Variants in SETX observed in about 807,000 individuals in gnomAD.
SETX encodes senataxin.
In SETX, 90 loss-of-function variants were observed where a neutral mutation model predicts 227.2. The ratio of observed to expected loss-of-function variants is 0.40; its 90% confidence interval spans 0.33 to 0.47. SETX has a LOEUF of 0.47. Ranked by LOEUF, SETX falls within the 20% of genes least tolerant of loss-of-function variation. The pLI is 0.91. For synonymous variants in SETX, 1,210 were observed against 1,113.2 expected, an observed-to-expected ratio of 1.09 and a Z score of -1.73; for missense variants, 3,052 against 3,181.5, an observed-to-expected ratio of 0.96 and a Z score of 0.98.
At chr9:132,335,354 G>A (rs1319475194) in intron 6 of SETX, among the ~76,000 whole-genome samples, 1 of 114,106 alleles carries the variant, frequency 8.8e-6, no homozygotes, top group Non-Finnish European at 1.6e-5. Context: ...TCGCGCGACT[G>A]CACTCCAGCC....
chr9:132,326,353 G>A lies in SETX; in HGVS notation c.5245C>T (p.Pro1749Ser), dbSNP rs1478463507. ...NYGDYFNVFF[P>S]LMVLNTFETV... is the part of the protein sequence containing the mutation. ...TCAAAAGTATTCAATACCATCAAAG[G>A]GAAAAAAACATTAAAATAATCTCCA... Residue 1749 changes from proline (P) to serine (S), a missense_variant, in exon 10 of 26, where the codon CCT (proline) becomes TCT (serine). Physicochemically the swap from Pro to Ser is moderately conservative, Grantham distance 74 (BLOSUM62 -1). Around this residue, in one of 10 missense-constraint regions of SETX, gnomAD observed 239 missense variants for 272.1 expected, o/e 0.88. Transcript: ENST00000224140. 7 of 1,612,534 alleles carry A rather than the reference G, an allele frequency of 4.3e-6. No homozygotes were observed. Among genetic ancestry groups the A allele is most frequent in the Non-Finnish European group, 5.9e-6 (7 of 1,179,160 alleles).
chr9:132,299,310 A>C lies in SETX; in HGVS notation c.5549-998T>G, dbSNP rs143634826. Among the ~76,000 whole-genome samples the C allele has an allele frequency of 1.8e-4, 27 of 152,340 alleles. No homozygotes were observed. The East Asian group carries it at 5.0e-3, about 28-fold the overall frequency. ...GACTAGTGGATTTGAAATGTCTAAC[A>C]CATTTCCAAATGGAGGTATCCAAGA... On this transcript the variant is annotated intron_variant, in intron 12 of 25. Transcript: ENST00000224140.
intron 21 of SETX, among the ~76,000 whole-genome samples, chr9:132,277,661 G>A (rs780525153): frequency 6.6e-6 from 1 of 152,120 alleles, no homozygotes; most frequent in South Asian, 2.1e-4. Flanking sequence ...GTGACTGAGT[G>A]TAGTCCCAGC....
intron 6 of SETX, among the ~76,000 whole-genome samples, chr9:132,335,366 G>A (rs578180): frequency 0.86 from 114,923 of 133,130 alleles, 49,665 homozygotes; most frequent in Non-Finnish European, 0.89. Context: ...ACTCCAGCCT[G>A]GGCGACAGAG....
chr9:132,302,508 A>G (rs1026797794), intron 11 of SETX, among the ~76,000 whole-genome samples: 2 of 151,640 alleles, frequency 1.3e-5, no homozygotes, highest in African/African-American at 4.8e-5. Context: ...AAAAATACAA[A>G]AATTAGCCAG....
intron 10 of SETX, among the ~76,000 whole-genome samples, chr9:132,324,817 C>A (rs1178800624): frequency 6.6e-6 from 1 of 152,194 alleles, no homozygotes; most frequent in Non-Finnish European, 1.5e-5. Flanking sequence ...ACTGTATACA[C>A]GAAAGTTTCT....
chr9:132,329,009 C>T lies in SETX; in HGVS notation c.2589G>A (p.Leu863=). 4 of 1,606,846 alleles carry T rather than the reference C, an allele frequency of 2.5e-6. No homozygotes were observed. The highest frequency in any genetic ancestry group is 3.4e-6 in the Non-Finnish European group (4 of 1,177,280). Residue 863 remains leucine, a synonymous_variant, in exon 10 of 26, where the codon TTG becomes TTA. Transcript: ENST00000224140. ...CATTCTTTAATTGTTTCTCTTTTGGCAATACATTGTTTTGAGATTTTTGTT... is the reference window on the plus strand; with the variant it reads ...CATTCTTTAATTGTTTCTCTTTTGGTAATACATTGTTTTGAGATTTTTGTT... The part of the protein sequence containing the change: ...NGEQKSQNNV[L]PKEKQLKNEE...
chr9:132,292,886 C>T (rs1427825777), intron 15 of SETX, among the ~76,000 whole-genome samples: 4 of 152,156 alleles, frequency 2.6e-5, no homozygotes, highest in African/African-American at 9.7e-5. Flanking sequence ...ATCTGCCCGC[C>T]TCTGCCTCCC....
rs199748733 is a variant in SETX, at chr9:132,336,468, G to T, written c.546C>A (p.Asp182Glu). The T allele has an allele frequency of 7.4e-6, 12 of 1,613,938 alleles. No individual in the cohort carries two copies. In the African/African-American group the frequency reaches 1.6e-4, roughly 22 times the overall value. The change falls in exon 6 of 26, where the codon GAC becomes GAA. Residue 182 changes from aspartate to glutamate, a missense_variant. By Grantham distance (45) the Asp-to-Glu change is conservative (BLOSUM62 2). Around this residue, in one of 10 missense-constraint regions of SETX, gnomAD observed 239 missense variants for 240.8 expected, o/e 0.99. Coordinates refer to ENST00000224140, the MANE Select transcript of SETX (RefSeq NM_015046.7). ...ILTARNLGKV[D>E]RDDYYDLQEV... is the part of the protein sequence containing the mutation. ...CTTGTAAGTCATAATAATCATCTCT[G>T]TCCACTTTCCCCAAGTTTCTTGCAG...
At position 132,296,756 on chromosome 9, in the gene SETX, C is replaced by T. The variant is rs548675938; in HGVS notation, c.5949+131G>A. The T allele has an allele frequency of 5.8e-6, 5 of 862,224 alleles. No homozygotes were observed. In the South Asian group the frequency reaches 6.2e-5, roughly 11 times the overall value. The allele number at this position is 862,224 out of a possible 1,614,324, so 53.4% of individuals were successfully genotyped here. A position where few individuals can be genotyped will look rare whatever the true frequency, so the allele number is the denominator to read the frequency against. Reference sequence around the variant, plus strand: ...GCCACCCTTTTCTCTGACACAGTTACACACAATATAAAAAATATATACAAA... The same window carrying T: ...GCCACCCTTTTCTCTGACACAGTTATACACAATATAAAAAATATATACAAA... On this transcript the variant is annotated intron_variant, in intron 14 of 25. Transcript: ENST00000224140.
intron 2 of SETX, among the ~76,000 whole-genome samples, chr9:132,352,198 T>C (rs1299932175): frequency 2.6e-5 from 4 of 152,224 alleles, no homozygotes; most frequent in African/African-American, 4.8e-5. Flanking sequence ...AATAGGTTCC[T>C]GACCTGACTC....
At chr9:132,343,115 C>T (rs1320735732) in intron 4 of SETX, among the ~76,000 whole-genome samples, 2 of 151,952 alleles carry the variant, frequency 1.3e-5, no homozygotes, top group Admixed American at 1.3e-4. Flanking sequence ...GTCAGGAGAT[C>T]GAGAACATCC....
At position 132,336,468 on chromosome 9, in the gene SETX, G is replaced by C; in HGVS notation, c.546C>G (p.Asp182Glu). Residue 182 changes from aspartate (D) to glutamate (E), a missense_variant, in exon 6 of 26, where the codon GAC becomes GAG. Physicochemically the swap from Asp to Glu is conservative, Grantham distance 45 (BLOSUM62 2). Transcript: ENST00000224140. ...ILTARNLGKVDRDDYYDLQEV... is the reference protein window; with the variant it reads ...ILTARNLGKVERDDYYDLQEV... ...CTTGTAAGTCATAATAATCATCTCT[G>C]TCCACTTTCCCCAAGTTTCTTGCAG... is the stretch of plus-strand genomic sequence containing the variant. The C allele has an allele frequency of 6.2e-7, 1 of 1,614,056 alleles. No individual in the cohort carries two copies. The highest frequency in any genetic ancestry group is 1.6e-4 in the Middle Eastern group (1 of 6,062).
At chr9:132,319,050 G>A (rs1846172483) in intron 10 of SETX, among the ~76,000 whole-genome samples, 1 of 152,172 alleles carries the variant, frequency 6.6e-6, no homozygotes, top group African/African-American at 2.4e-5. Flanking sequence ...ATTAGCCCGT[G>A]ATCATTTGAC....
At chr9:132,324,619 G>C (rs1373726477) in intron 10 of SETX, among the ~76,000 whole-genome samples, 3 of 152,106 alleles carry the variant, frequency 2.0e-5, no homozygotes, top group Admixed American at 6.6e-5. Flanking sequence ...CTTTGTTCTA[G>C]ATCATACTAG....
At chr9:132,303,518 A>G (rs974923499) in intron 11 of SETX, among the ~76,000 whole-genome samples, 3 of 151,720 alleles carry the variant, frequency 2.0e-5, no homozygotes, top group African/African-American at 7.3e-5. Context: ...TTTTGATGGG[A>G]TGCCATCAAA....
At chr9:132,347,458 G>A (rs1032288378) in intron 3 of SETX, among the ~76,000 whole-genome samples, 87 of 151,326 alleles carry the variant, frequency 5.7e-4, no homozygotes, top group African/African-American at 2.0e-3. Flanking sequence ...GATTACAGGC[G>A]CCCACCACCA....
chr9:132,335,218 G>C (rs573487751), intron 6 of SETX, among the ~76,000 whole-genome samples: 1 of 151,182 alleles, frequency 6.6e-6, no homozygotes, highest in Non-Finnish European at 1.5e-5. Flanking sequence ...GTGAAACCCC[G>C]TCTCTACTAA....
At chr9:132,348,373 C>CAAAAAAA (rs11376483) in intron 3 of SETX, among the ~76,000 whole-genome samples, 10 of 122,400 alleles carry the variant, frequency 8.2e-5, no homozygotes, top group African/African-American at 1.8e-4. Context: ...AAAAAAAAAA[C>CAAAAAAA]AAAACAAAAA....
Sources: gnomAD v4.1 joint callset for allele counts (sites outside exome capture counted in the v4.1 genomes callset) on GRCh38, gnomAD v4.1.1 for gene constraint, gnomAD v4.1.1 regional missense constraint, MANE v1.5 for transcripts, NCBI Gene and HGNC (gene_info 2026-07-23, HGNC 2026-07-21) for gene names.